The following SMG6 variants were observed in gnomAD, a reference collection of about 807,000 sequenced individuals.
The protein encoded by SMG6 is SMG6 nonsense mediated mRNA decay factor.
A neutral mutation model predicts 142.2 loss-of-function variants in SMG6; 66 were observed. That is an observed-to-expected ratio of 0.46 (90% CI 0.38 to 0.57). SMG6 has a LOEUF of 0.57. Ranked by LOEUF, SMG6 falls within the 20% of genes least tolerant of loss-of-function variation. SMG6 has a pLI of 0.00. For synonymous variants in SMG6, 779 were observed against 702.4 expected, an observed-to-expected ratio of 1.11 and a Z score of -1.72; for missense variants, 1,793 against 1,832.0, an observed-to-expected ratio of 0.98 and a Z score of 0.39.
intron 9 of SMG6, 106 bp from the exon 10 acceptor site, chr17:2,236,743 AC>A: frequency 1.0e-6 from 1 of 979,256 alleles, no homozygotes; most frequent in Non-Finnish European, 1.4e-6. Flanking sequence ...ACACACACAC[AC>A]ACACACACCA....
chr17:2,211,280 T>C (rs1174734619), intron 10 of SMG6, among the ~76,000 whole-genome samples: 1 of 151,604 alleles, frequency 6.6e-6, no homozygotes, highest in Non-Finnish European at 1.5e-5. Context: ...TTTTGGGAGG[T>C]AAACATTTTT....
intron 10 of SMG6, among the ~76,000 whole-genome samples, chr17:2,205,870 G>A (rs1034696321): frequency 6.6e-6 from 1 of 152,022 alleles, no homozygotes; most frequent in Non-Finnish European, 1.5e-5. Flanking sequence ...GTACAGTGCC[G>A]CAATCTCAGC....
At chr17:2,284,145 C>G (rs2074852761) in intron 6 of SMG6, among the ~76,000 whole-genome samples, 1 of 152,114 alleles carries the variant, frequency 6.6e-6, no homozygotes, top group South Asian at 2.1e-4. Flanking sequence ...CAAATACTGG[C>G]TAATCCAGGA....
chr17:2,162,515 CAG>C (rs1491398586), intron 13 of SMG6, among the ~76,000 whole-genome samples: 1 of 62,046 alleles, frequency 1.6e-5, no homozygotes, highest in Non-Finnish European at 2.9e-5. Flanking sequence ...CTCCCCATCT[CAG>C]AAAAAAAAAA....
chr17:2,194,678 T>G (rs1241037901), intron 10 of SMG6, among the ~76,000 whole-genome samples: 1 of 147,962 alleles, frequency 6.8e-6, no homozygotes, highest in Non-Finnish European at 1.5e-5. Flanking sequence ...AGTAAGACCC[T>G]GTCTCTACCA....
At position 2,203,885 on chromosome 17, in the gene SMG6, C is replaced by T. The variant is rs556996968; in HGVS notation, c.2870-15370G>A. On this transcript the variant is annotated intron_variant, in intron 10 of 18. Transcript: ENST00000263073. ...CCCTGATTCAGAGAAACTCCATTGA[C>T]AGGGCAGGCAGAGGGGCAGGGAAGT... Among the ~76,000 whole-genome samples, 109 of 152,312 alleles carry T rather than the reference C, an allele frequency of 7.2e-4. 1 individual carries two copies. The highest frequency in any genetic ancestry group is 5.1e-4 in the Non-Finnish European group (35 of 68,020).
chr17:2,086,815 T>C (rs1009841234), intron 13 of SMG6, among the ~76,000 whole-genome samples: 5 of 152,174 alleles, frequency 3.3e-5, no homozygotes, highest in African/African-American at 9.7e-5. Context: ...CTTCTCTTCA[T>C]CTCTAGCCTC....
intron 10 of SMG6, among the ~76,000 whole-genome samples, chr17:2,219,377 T>A (rs1180956691): frequency 6.6e-6 from 1 of 151,934 alleles, no homozygotes; most frequent in Non-Finnish European, 1.5e-5. Flanking sequence ...AGAGCGAGAC[T>A]CTGCCTCAAA....
chr17:2,098,632 T>TTTGTTG (rs532967159), intron 13 of SMG6, among the ~76,000 whole-genome samples: 1 of 152,124 alleles, frequency 6.6e-6, no homozygotes, highest in Non-Finnish European at 1.5e-5. Context: ...TTACATACTT[T>TTTGTTG]TTGTTGTTGT....
At chr17:2,244,747 A>G in intron 8 of SMG6, 28 bp from the exon 9 acceptor site, 1 of 1,591,870 alleles carries the variant, frequency 6.3e-7, no homozygotes, top group East Asian at 2.2e-5. Flanking sequence ...AGAGGAGAAA[A>G]CAATTAAACT....
At chr17:2,211,454 G>C (rs962569299) in intron 10 of SMG6, among the ~76,000 whole-genome samples, 7 of 152,088 alleles carry the variant, frequency 4.6e-5, no homozygotes, top group Admixed American at 2.6e-4. Flanking sequence ...CATGAGGTCA[G>C]GGGATCGAGA....
chr17:2,219,584 T>C (rs919776007), intron 10 of SMG6, among the ~76,000 whole-genome samples: 62 of 149,534 alleles, frequency 4.1e-4, no homozygotes, highest in African/African-American at 1.5e-3. Flanking sequence ...AGCCCAGGAG[T>C]TTGAGGCCAG....
intron 13 of SMG6, among the ~76,000 whole-genome samples, chr17:2,124,376 C>T (rs906441778): frequency 3.3e-5 from 5 of 152,336 alleles, no homozygotes; most frequent in Non-Finnish European, 1.5e-5. Context: ...ATTCTGAATA[C>T]ACAAGTAATA....
Position 2,292,983 on chromosome 17 carries a change from G to C in SMG6, c.2152-6C>G, listed in dbSNP as rs140709026. 2 of 1,605,174 alleles carry C rather than the reference G, an allele frequency of 1.2e-6. No individual in the cohort carries two copies. Among genetic ancestry groups the C allele is most frequent in the Non-Finnish European group, 1.7e-6 (2 of 1,171,964 alleles). On this transcript the variant is annotated splice_polypyrimidine_tract_variant and splice_region_variant and intron_variant, in intron 4 of 18. Coordinates refer to ENST00000263073, the MANE Select transcript of SMG6 (RefSeq NM_017575.5). ...CTGATCAAGGCATATTTTACCTTCAGGAAAAACAACCAGTTAGTAGAAAAG... is the reference window on the plus strand; with the variant it reads ...CTGATCAAGGCATATTTTACCTTCACGAAAAACAACCAGTTAGTAGAAAAG...
intron 18 of SMG6, 78 bp from the exon 19 acceptor site, chr17:2,061,700 T>G: frequency 6.7e-7 from 1 of 1,488,656 alleles, no homozygotes; most frequent in Admixed American, 2.0e-5. Flanking sequence ...CCCTGGAGAA[T>G]GTGGTCCTGG....
chr17:2,243,462 C>A (rs1345904678), intron 9 of SMG6, among the ~76,000 whole-genome samples: 1 of 152,196 alleles, frequency 6.6e-6, no homozygotes, highest in Non-Finnish European at 1.5e-5. Context: ...AGGTGGATCA[C>A]ATGAGGTCAG....
At chr17:2,100,927 C>A (rs1348411298) in intron 13 of SMG6, among the ~76,000 whole-genome samples, 1 of 152,054 alleles carries the variant, frequency 6.6e-6, no homozygotes, top group Non-Finnish European at 1.5e-5. Flanking sequence ...GCTGGGATTA[C>A]AGGTGTGGGC....
At chr17:2,129,793 C>CAAAAAAAAAAA (rs57556112) in intron 13 of SMG6, among the ~76,000 whole-genome samples, 14 of 56,330 alleles carry the variant, frequency 2.5e-4, no homozygotes, top group Non-Finnish European at 3.3e-4. Context: ...GGCTCTGTCT[C>CAAAAAAAAAAA]AAAAAAAAAA....
intron 13 of SMG6, among the ~76,000 whole-genome samples, chr17:2,109,214 A>G (rs893602690): frequency 2.6e-5 from 4 of 152,130 alleles, no homozygotes; most frequent in African/African-American, 9.7e-5. Context: ...TATGTAGTAT[A>G]TTCTCACAGG....
Sources: gnomAD v4.1 joint callset for allele counts (sites outside exome capture counted in the v4.1 genomes callset) on GRCh38, gnomAD v4.1.1 for gene constraint, MANE v1.5 for transcripts, NCBI Gene and HGNC (gene_info 2026-07-23, HGNC 2026-07-21) for gene names.